The following PIEZO2 variants were observed in gnomAD, a reference collection of about 807,000 sequenced individuals.
The protein encoded by PIEZO2 is piezo type mechanosensitive ion channel component 2, also known as piezo-type mechanosensitive ion channel component 2.
PIEZO2 carries 172 observed loss-of-function variants against 337.3 expected under a neutral mutation model. That is an observed-to-expected ratio of 0.51 (90% CI 0.45 to 0.58). The LOEUF is 0.58. Ranked by LOEUF, PIEZO2 falls within the 20% of genes least tolerant of loss-of-function variation. PIEZO2 has a pLI of 0.00. For synonymous variants in PIEZO2, 1,251 were observed against 1,228.5 expected (o/e 1.02, Z -0.38); for missense variants, 3,028 against 3,391.3 (o/e 0.89, Z 2.66).
chr18:10,852,936 G>T (rs746482307), intron 7 of PIEZO2, among the ~76,000 whole-genome samples: 5 of 152,288 alleles, frequency 3.3e-5, no homozygotes, highest in Middle Eastern at 3.4e-3. Flanking sequence ...ATTGGTTGCA[G>T]CTGGGGGCTT....
In PIEZO2 at chr18:10,731,425, G is replaced by T; in HGVS notation, c.5011C>A (p.Arg1671=). 6.5e-7 allele frequency: 1 copy of T among 1,533,976 alleles called. No homozygotes were observed. The highest frequency in any genetic ancestry group is 8.7e-7 in the Non-Finnish European group (1 of 1,145,422). The change falls in exon 36 of 56, where the codon CGG becomes AGG. Residue 1671 remains arginine, a synonymous_variant. Coordinates refer to ENST00000674853, the MANE Select transcript of PIEZO2 (RefSeq NM_001378183.1). ...CACTCACCCTCCTTGGATCCTTTCC[G>T]CCTTCGTTTCCGTTCTTCTCTTGCA... is the stretch of plus-strand genomic sequence containing the variant. The part of the protein sequence containing the change: ...RSAREERKRR[R]KGSKEGPVEW...
Position 10,705,375 on chromosome 18 carries a change from A to G in PIEZO2, c.5960T>C (p.Leu1987Pro), listed in dbSNP as rs2035533113. 2 of 1,536,942 alleles carry G rather than the reference A, an allele frequency of 1.3e-6. No homozygotes were observed. Among genetic ancestry groups the G allele is most frequent in the Non-Finnish European group, 1.7e-6 (2 of 1,146,828 alleles). Residue 1987 changes from leucine (L) to proline (P), a missense_variant, in exon 41 of 56, where the codon CTG becomes CCG. Leu to Pro is a moderately conservative substitution (Grantham distance 98). Transcript: ENST00000674853. Reference protein sequence around the residue: ...DKLGSSILPPLTHELTASELL... With the variant: ...DKLGSSILPPPTHELTASELL... ...CTCGCTGGCCGTCAGCTCATGGGTC[A>G]GGGGAGGTAAGATGCTGGACCCCAG...
In PIEZO2 at chr18:11,090,066, A is replaced by C. The variant is rs185265608; in HGVS notation, c.65-23844T>G. Reference sequence around the variant, plus strand: ...AGAAGGGTAGGAAGGGAGAGCAGGAAGCCTGACAACCCGGATGCTGGATTC... The same window carrying C: ...AGAAGGGTAGGAAGGGAGAGCAGGACGCCTGACAACCCGGATGCTGGATTC... On this transcript the variant is annotated intron_variant, in intron 1 of 55. Coordinates refer to ENST00000674853, the MANE Select transcript of PIEZO2 (RefSeq NM_001378183.1). Among the ~76,000 whole-genome samples the C allele has an allele frequency of 4.1e-4, 62 of 152,348 alleles. 1 individual carries two copies. Among genetic ancestry groups the C allele is most frequent in the African/African-American group, 1.4e-3 (59 of 41,582 alleles).
At chr18:10,977,962 G>C (rs1307745339) in intron 3 of PIEZO2, among the ~76,000 whole-genome samples, 2 of 152,232 alleles carry the variant, frequency 1.3e-5, no homozygotes, top group Admixed American at 6.5e-5. Flanking sequence ...GTTTCCTTTG[G>C]GGGTGATGAT....
intron 1 of PIEZO2, among the ~76,000 whole-genome samples, chr18:11,135,260 C>G (rs2040449209): frequency 6.6e-6 from 1 of 152,056 alleles, no homozygotes; most frequent in African/African-American, 2.4e-5. Context: ...ACATGAGTTC[C>G]TTTGACTTCA....
At position 11,116,250 on chromosome 18, in the gene PIEZO2, T is replaced by C. The variant is rs910072718; in HGVS notation, c.64+32275A>G. ...AGCTTTACAAATCCTATCTGGTCTT[T>C]GATTTTGGAAATGTCTAGGAGTTTG... On this transcript the variant is annotated intron_variant, in intron 1 of 55. Coordinates refer to ENST00000674853, the MANE Select transcript of PIEZO2 (RefSeq NM_001378183.1). This position sits in a 1 kb window ranked among gnomAD's most constrained non-coding sequence, Gnocchi z 5.0. Among the ~76,000 whole-genome samples the C allele has an allele frequency of 6.6e-6, 1 of 152,178 alleles. No individual in the cohort carries two copies. The highest frequency in any genetic ancestry group is 6.5e-5 in the Admixed American group (1 of 15,280).
chr18:10,680,306 G>C lies in PIEZO2; in HGVS notation c.7845C>G (p.Asn2615Lys), dbSNP rs1486177018. 1 of 1,614,102 alleles carries C rather than the reference G, an allele frequency of 6.2e-7. No individual in the cohort carries two copies. The highest frequency in any genetic ancestry group is 1.7e-5 in the Admixed American group (1 of 60,022). ...GGCTGATGGTCCACAAAGAATTTGA[G>C]TTTCCTTCCAGTTCTGCTACTGTTA... ...EDITVAELEG[N>K]SNSLWTISPP... The change falls in exon 52 of 56, where the codon AAC (asparagine) becomes AAG (lysine). Residue 2615 changes from asparagine (N) to lysine (K), a missense_variant. Asn to Lys is a moderately conservative substitution (Grantham distance 94, BLOSUM62 0). Coordinates refer to ENST00000674853, the MANE Select transcript of PIEZO2 (RefSeq NM_001378183.1).
intron 3 of PIEZO2, among the ~76,000 whole-genome samples, chr18:10,914,269 A>AT (rs34938210): frequency 0.027 from 4,028 of 149,096 alleles, 63 homozygotes; most frequent in African/African-American, 0.045. Context: ...AAAACATGTT[A>AT]TTTTTTTTTT....
chr18:10,684,092 CCTTCTT>C (rs1252520285), intron 49 of PIEZO2, among the ~76,000 whole-genome samples: 2 of 42,908 alleles, frequency 4.7e-5, no homozygotes, highest in Non-Finnish European at 1.2e-4. Context: ...TTCCTTCCTT[CCTTCTT>C]TCTCTCTCTC....
Position 11,097,969 on chromosome 18 carries a change from A to G in PIEZO2, c.65-31747T>C, listed in dbSNP as rs2146078458. On this transcript the variant is annotated intron_variant, in intron 1 of 55. Transcript: ENST00000674853. The surrounding 1 kb of genome is among the most constrained non-coding windows in gnomAD (Gnocchi z 5.0). ...GAAGATTGGAATATACTCATCTTTAAAAATGAATTAATAATAAAAACTAAT... is the reference window on the plus strand; with the variant it reads ...GAAGATTGGAATATACTCATCTTTAGAAATGAATTAATAATAAAAACTAAT... Among the ~76,000 whole-genome samples the G allele has an allele frequency of 6.6e-6, 1 of 152,324 alleles. No individual in the cohort carries two copies. The highest frequency in any genetic ancestry group is 1.9e-4 in the East Asian group (1 of 5,188).
intron 2 of PIEZO2, among the ~76,000 whole-genome samples, chr18:11,022,110 G>C (rs996168301): frequency 2.6e-5 from 4 of 152,172 alleles, no homozygotes; most frequent in Non-Finnish European, 5.9e-5. Flanking sequence ...AGGACTACGA[G>C]AGGTAGGGGT....
At position 10,763,027 on chromosome 18, in the gene PIEZO2, C is replaced by T. The variant is rs2038204271; in HGVS notation, c.3018G>A (p.Leu1006=). 6.5e-7 allele frequency: 1 copy of T among 1,537,226 alleles called. No homozygotes were observed. Among genetic ancestry groups the T allele is most frequent in the Non-Finnish European group, 8.7e-7 (1 of 1,146,932 alleles). The stretch of plus-strand genomic sequence containing the variant: ...TCCAGACTGTGCAGACACTTGAAGC[C>T]AGACGGCGCAGCTTGGCGTACGGCA... ...FALPYAKLRR[L]ASSVCTVWTC... Residue 1006 remains leucine, a synonymous_variant, in exon 22 of 56, where the codon CTG becomes CTA. Transcript: ENST00000674853.
chr18:10,813,793 T>G lies in PIEZO2; in HGVS notation c.918-6519A>C, dbSNP rs183746062. Among the ~76,000 whole-genome samples, 57 of 152,268 alleles carry G rather than the reference T, an allele frequency of 3.7e-4. No homozygotes were observed. The highest frequency in any genetic ancestry group is 6.5e-4 in the Admixed American group (10 of 15,300). Reference sequence around the variant, plus strand: ...GATCGTATGACCATTCTATTTTTAATAGAGAAACTGCTCCGGTTGTTTGAG... The same window carrying G: ...GATCGTATGACCATTCTATTTTTAAGAGAGAAACTGCTCCGGTTGTTTGAG... On this transcript the variant is annotated intron_variant, in intron 7 of 55. Transcript: ENST00000674853. The surrounding 1 kb of genome is among the most constrained non-coding windows in gnomAD (Gnocchi z 4.2).
chr18:10,849,415 A>G (rs898454431), intron 7 of PIEZO2, among the ~76,000 whole-genome samples: 8 of 131,812 alleles, frequency 6.1e-5, no homozygotes, highest in African/African-American at 2.7e-4. Flanking sequence ...AGCACCACCA[A>G]GTAGAAAAAC....
At position 10,766,306 on chromosome 18, in the gene PIEZO2, G is replaced by A. The variant is rs1478876596; in HGVS notation, c.2947-3208C>T. ...AGAGAAGGGGAAGCAGAAAGGAGGG[G>A]AAGGGGAAGGAGAAGTAGGAGGAGA... On this transcript the variant is annotated intron_variant, in intron 21 of 55. Coordinates refer to ENST00000674853, the MANE Select transcript of PIEZO2 (RefSeq NM_001378183.1). This position sits in a 1 kb window ranked among gnomAD's most constrained non-coding sequence, Gnocchi z 6.1. Among the ~76,000 whole-genome samples, 6 of 151,854 alleles carry A rather than the reference G, an allele frequency of 4.0e-5. No homozygotes were observed. The highest frequency in any genetic ancestry group is 6.6e-5 in the Admixed American group (1 of 15,236).
chr18:10,875,371 T>C (rs956705117), intron 4 of PIEZO2, among the ~76,000 whole-genome samples: 8 of 152,020 alleles, frequency 5.3e-5, no homozygotes, highest in African/African-American at 9.7e-5. Flanking sequence ...CCTAACATGA[T>C]TGAAAAGGGT....
chr18:10,795,622 T>C lies in PIEZO2; in HGVS notation c.1528-620A>G, dbSNP rs1660572729. Among the ~76,000 whole-genome samples the C allele has an allele frequency of 6.6e-6, 1 of 152,114 alleles. No homozygotes were observed. The highest frequency in any genetic ancestry group is 2.4e-5 in the African/African-American group (1 of 41,416). On this transcript the variant is annotated intron_variant, in intron 12 of 55. Coordinates refer to ENST00000674853, the MANE Select transcript of PIEZO2 (RefSeq NM_001378183.1). The surrounding 1 kb of genome is among the most constrained non-coding windows in gnomAD (Gnocchi z 4.4). ...CCCCAAATTAGCCTCTTCAATTTTG[T>C]GGTGCTTTCTTTTTCCCAGTCTCCT...
At position 10,759,961 on chromosome 18, in the gene PIEZO2, G is replaced by GATAAAGAAAAAT; in HGVS notation, c.3451-53_3451-52insATTTTTCTTTAT. 2 of 1,489,586 alleles carry GATAAAGAAAAAT rather than the reference G, an allele frequency of 1.3e-6. No homozygotes were observed. Among genetic ancestry groups the GATAAAGAAAAAT allele is most frequent in the Non-Finnish European group, 1.8e-6 (2 of 1,104,692 alleles). The allele number at this position is 1,489,586 out of a possible 1,614,324, so 92.3% of individuals were successfully genotyped here. A position where few individuals can be genotyped will look rare whatever the true frequency, so the allele number is the denominator to read the frequency against. On this transcript the variant is annotated intron_variant, in intron 24 of 55. Transcript: ENST00000674853. The surrounding 1 kb of genome is among the most constrained non-coding windows in gnomAD (Gnocchi z 5.5). ...AAAAAAAATCAGGCATATGGGAAAG[G>GATAAAGAAAAAT]GGACTGGTGATAGGTGTCAGGTCTG...
chr18:10,998,744 A>G (rs1193461350), intron 2 of PIEZO2, among the ~76,000 whole-genome samples: 2 of 151,932 alleles, frequency 1.3e-5, no homozygotes, highest in African/African-American at 4.8e-5. Flanking sequence ...AATAAATTTG[A>G]TGTTAATATT....
Sources: allele counts gnomAD v4.1 joint callset (sites outside exome capture counted in the v4.1 genomes callset), GRCh38; gene constraint gnomAD v4.1.1; non-coding constraint Gnocchi (gnomAD v3.1); transcripts MANE v1.5; gene names NCBI Gene and HGNC (gene_info 2026-07-23, HGNC 2026-07-21).